KALRN: variants seen among roughly 807,000 people sequenced by gnomAD.
KALRN encodes kalirin RhoGEF kinase.
In KALRN, 70 loss-of-function variants were observed where a neutral mutation model predicts 353.7. The ratio of observed to expected loss-of-function variants is 0.20; its 90% confidence interval spans 0.16 to 0.24. The LOEUF (loss-of-function observed/expected upper bound fraction) is 0.24. KALRN is among the 10% of genes least tolerant of loss of function. The pLI is 1.00. For synonymous variants in KALRN, 1,391 were observed against 1,434.8 expected (o/e 0.97, Z 0.69); for missense variants, 2,791 against 3,756.7 (o/e 0.74, Z 6.72).
chr3:124,107,858 T>C (rs926284081), intron 1 of KALRN, among the ~76,000 whole-genome samples: 2 of 152,018 alleles, frequency 1.3e-5, no homozygotes, highest in Admixed American at 6.6e-5. Context: ...CATAGGAAGG[T>C]CTTGAGGACT....
At chr3:124,210,290 C>T (rs1277256901) in intron 1 of KALRN, among the ~76,000 whole-genome samples, 2 of 152,126 alleles carry the variant, frequency 1.3e-5, no homozygotes, top group African/African-American at 2.4e-5. Context: ...GCTCTTTTTC[C>T]TTCTACATTT....
intron 34 of KALRN, among the ~76,000 whole-genome samples, chr3:124,627,581 G>A (rs770331587): frequency 6.6e-6 from 1 of 152,192 alleles, no homozygotes; most frequent in Admixed American, 6.5e-5. Context: ...CTGCTGACAC[G>A]ACATGTGCTG....
At chr3:124,634,765 G>A (rs1446803036) in intron 36 of KALRN, among the ~76,000 whole-genome samples, 1 of 152,034 alleles carries the variant, frequency 6.6e-6, no homozygotes, top group Non-Finnish European at 1.5e-5. Context: ...CGGCAGGTTT[G>A]GGTTTTGACT....
At chr3:124,604,285 T>A (rs1209949147) in intron 34 of KALRN, among the ~76,000 whole-genome samples, 2 of 152,214 alleles carry the variant, frequency 1.3e-5, no homozygotes, top group East Asian at 3.8e-4. Flanking sequence ...TATCTCCCAA[T>A]GCTTTCATGT....
intron 1 of KALRN, among the ~76,000 whole-genome samples, chr3:124,157,205 C>T (rs932925307): frequency 2.0e-5 from 3 of 152,186 alleles, no homozygotes; most frequent in African/African-American, 7.2e-5. Flanking sequence ...CTGTGCTAGG[C>T]CAGCAATGTC....
chr3:124,433,605 AAAAAAAAAAAAG>A (rs1305753856), intron 16 of KALRN, among the ~76,000 whole-genome samples: 2 of 151,034 alleles, frequency 1.3e-5, no homozygotes, highest in African/African-American at 4.9e-5. Flanking sequence ...CTAAAAAAAA[AAAAAAAAAAAAG>A]GAAAGAAAAT....
At chr3:124,626,854 G>C (rs1337950582) in intron 34 of KALRN, among the ~76,000 whole-genome samples, 1 of 152,224 alleles carries the variant, frequency 6.6e-6, no homozygotes, top group Non-Finnish European at 1.5e-5. Flanking sequence ...GTGTGGTGGA[G>C]TCAGATCTGG....
chr3:124,561,251 G>A (rs1397545173), intron 33 of KALRN, among the ~76,000 whole-genome samples: 1 of 152,130 alleles, frequency 6.6e-6, no homozygotes, highest in Non-Finnish European at 1.5e-5. Flanking sequence ...TGCATTTAAT[G>A]GGACCAGGAG....
chr3:124,517,243 C>G (rs1434385112), intron 33 of KALRN, among the ~76,000 whole-genome samples: 1 of 152,174 alleles, frequency 6.6e-6, no homozygotes, highest in Admixed American at 6.5e-5. Context: ...AATCTCATCT[C>G]CTCTCTGAAT....
At chr3:124,579,205 ACTGGTGC>A (rs2074406903) in intron 34 of KALRN, among the ~76,000 whole-genome samples, 1 of 152,220 alleles carries the variant, frequency 6.6e-6, no homozygotes, top group Non-Finnish European at 1.5e-5. Flanking sequence ...AGGCAGTCAC[ACTGGTGC>A]CTGATGTCAG....
chr3:124,348,242 T>C (rs2082478616), intron 10 of KALRN, among the ~76,000 whole-genome samples: 1 of 152,220 alleles, frequency 6.6e-6, no homozygotes, highest in African/African-American at 2.4e-5. Flanking sequence ...ATATCACTGC[T>C]TTAGCCAGAG....
intron 34 of KALRN, among the ~76,000 whole-genome samples, chr3:124,619,254 G>A (rs2079001400): frequency 6.6e-6 from 1 of 151,838 alleles, no homozygotes; most frequent in Non-Finnish European, 1.5e-5. Context: ...CTTTTTAAAG[G>A]CTGAGTAATA....
intron 10 of KALRN, among the ~76,000 whole-genome samples, chr3:124,370,478 C>T (rs1436108794): frequency 6.6e-6 from 1 of 152,164 alleles, no homozygotes; most frequent in Non-Finnish European, 1.5e-5. Flanking sequence ...CATTCTTTGG[C>T]CATCCGGAAA....
At chr3:124,590,330 G>A (rs1293300256) in intron 34 of KALRN, among the ~76,000 whole-genome samples, 1 of 152,156 alleles carries the variant, frequency 6.6e-6, no homozygotes, top group African/African-American at 2.4e-5. Flanking sequence ...TGGTACAGCT[G>A]CATGCCCAAC....
chr3:124,439,238 G>A (rs3223344), intron 18 of KALRN, among the ~76,000 whole-genome samples: 9,145 of 116,128 alleles, frequency 0.079, 766 homozygotes, highest in African/African-American at 0.24. Flanking sequence ...ACACACACAC[G>A]CAGCTTCAAA....
At position 124,446,868 on chromosome 3, in the gene KALRN, T is replaced by A; in HGVS notation, c.3535T>A (p.Phe1179Ile). 6.2e-7 allele frequency: 1 copy of A among 1,613,952 alleles called. No homozygotes were observed. Among genetic ancestry groups the A allele is most frequent in the Non-Finnish European group, 8.5e-7 (1 of 1,179,944 alleles). ...TQELLKEYGE[F>I]RVPAKQTKEK... ...GGAACTGCTGAAAGAATATGGGGAATTCAGGGTGCCTGCCAAGGTAGGAAA... is the reference window on the plus strand; with the variant it reads ...GGAACTGCTGAAAGAATATGGGGAAATCAGGGTGCCTGCCAAGGTAGGAAA... The change falls in exon 21 of 60, where the codon TTC (phenylalanine) becomes ATC (isoleucine). Residue 1179 changes from phenylalanine (F) to isoleucine (I), a missense_variant. Physicochemically the swap from Phe to Ile is conservative, Grantham distance 21. This residue lies in a region of KALRN where 268 missense variants were observed against 347.0 expected (regional missense o/e 0.77). Coordinates refer to ENST00000682506, the MANE Select transcript of KALRN (RefSeq NM_001388419.1).
chr3:124,683,083 G>A (rs1466070248), intron 51 of KALRN, among the ~76,000 whole-genome samples: 3 of 152,000 alleles, frequency 2.0e-5, no homozygotes, highest in Non-Finnish European at 4.4e-5. Flanking sequence ...CTTTGGGGTG[G>A]GGGTGAAAGG....
intron 17 of KALRN, among the ~76,000 whole-genome samples, chr3:124,436,187 T>C (rs1576915548): frequency 6.6e-6 from 1 of 152,328 alleles, no homozygotes; most frequent in East Asian, 1.9e-4. Flanking sequence ...TCTAATATTA[T>C]ACACAAATGT....
At chr3:124,417,959 T>G (rs1302105193) in intron 14 of KALRN, among the ~76,000 whole-genome samples, 4 of 152,244 alleles carry the variant, frequency 2.6e-5, no homozygotes, top group African/African-American at 7.2e-5. Context: ...AACAAATTCT[T>G]TCTTCCCTCT....
Sources: gnomAD v4.1 joint callset for allele counts (sites outside exome capture counted in the v4.1 genomes callset) on GRCh38, gnomAD v4.1.1 for gene constraint, gnomAD v4.1.1 regional missense constraint, MANE v1.5 for transcripts, NCBI Gene and HGNC (gene_info 2026-07-23, HGNC 2026-07-21) for gene names.